PPHLN1: variants seen among roughly 807,000 people sequenced by gnomAD.
PPHLN1 encodes periphilin-1.
A neutral mutation model predicts 51.3 loss-of-function variants in PPHLN1; 29 were observed. The observed-to-expected ratio is 0.57, with a 90% CI of 0.42 to 0.77. The LOEUF (loss-of-function observed/expected upper bound fraction) is 0.77, where lower values mean the gene tolerates loss of function less well. PPHLN1 is among the 30% of genes least tolerant of loss of function. The probability of loss-of-function intolerance (pLI) is 0.00; values close to 1 mark genes in which losing one functional copy is unlikely to be tolerated. For missense variants in PPHLN1, 436 were observed against 438.4 expected (o/e 0.99, Z 0.05); for synonymous variants, 147 against 147.8 (o/e 0.99, Z 0.04).
chr12:42,361,562 C>T (rs1314129672), intron 4 of PPHLN1: 1 of 152,168 alleles, frequency 6.6e-6, no homozygotes, highest in African/African-American at 2.4e-5. Context: ...TAATTCATTG[C>T]TGTCACTATT....
At chr12:42,363,454 T>C (rs1385571551) in intron 4 of PPHLN1, among the ~76,000 whole-genome samples, 7 of 151,852 alleles carry the variant, frequency 4.6e-5, no homozygotes. Context: ...CTATTTTTTT[T>C]TCATTTTGTT....
At chr12:42,337,806 T>A (rs2070898009) in intron 2 of PPHLN1, among the ~76,000 whole-genome samples, 8 of 149,832 alleles carry the variant, frequency 5.3e-5, no homozygotes. Context: ...TATTTGGAGA[T>A]GGAGTCTAAC....
At chr12:42,415,370 C>T (rs2139595855) in intron 9 of PPHLN1, among the ~76,000 whole-genome samples, 1 of 152,272 alleles carries the variant, frequency 6.6e-6, no homozygotes, top group South Asian at 2.1e-4. Flanking sequence ...CAAGGTTTCA[C>T]CATCTTGGCC....
intron 5 of PPHLN1, among the ~76,000 whole-genome samples, chr12:42,383,908 C>G (rs754990133): frequency 4.2e-4 from 58 of 136,960 alleles, no homozygotes; most frequent in African/African-American, 1.5e-3. Flanking sequence ...TGCTTGAACC[C>G]GGGGGGCGGA....
intron 4 of PPHLN1, chr12:42,374,628 GTA>G: frequency 9.8e-5 from 7 of 71,364 alleles, no homozygotes; most frequent in Admixed American, 3.4e-4. Flanking sequence ...TTTTTTTTTT[GTA>G]TTTTTAGTAG....
intron 6 of PPHLN1, 57 bp from the exon 7 acceptor site, chr12:42,387,399 C>T: frequency 6.5e-7 from 1 of 1,540,664 alleles, no homozygotes; most frequent in Non-Finnish European, 8.7e-7. Context: ...TACAAAATTA[C>T]TTTATCAAAA....
intron 4 of PPHLN1, among the ~76,000 whole-genome samples, chr12:42,369,022 A>G (rs1050049259): frequency 6.6e-6 from 1 of 152,212 alleles, no homozygotes; most frequent in Non-Finnish European, 1.5e-5. Flanking sequence ...AAATCTGGTC[A>G]GCTGTCTGTT....
At position 42,435,547 on chromosome 12, in the gene PPHLN1, A is replaced by G. The variant is rs548575628; in HGVS notation, c.910-5768A>G. Reference sequence around the variant, plus strand: ...ACTATAGACCAAAATTAAAGGGTTTAAATTTATCTCCAGTATTTAATATCA... The same window carrying G: ...ACTATAGACCAAAATTAAAGGGTTTGAATTTATCTCCAGTATTTAATATCA... On this transcript the variant is annotated intron_variant, in intron 9 of 9. Transcript: ENST00000358314. Among the ~76,000 whole-genome samples, 5 of 152,338 alleles carry G rather than the reference A, an allele frequency of 3.3e-5. No individual in the cohort carries two copies. The East Asian group carries it at 9.6e-4, about 29-fold the overall frequency.
intron 9 of PPHLN1, among the ~76,000 whole-genome samples, chr12:42,428,809 C>T (rs1796354): frequency 0.29 from 42,217 of 145,818 alleles, 7,286 homozygotes; most frequent in Non-Finnish European, 0.38. Context: ...TGAAGTTTGC[C>T]TTTTTAACTT....
At chr12:42,332,372 T>A (rs773947779) in intron 1 of PPHLN1, among the ~76,000 whole-genome samples, 5 of 152,162 alleles carry the variant, frequency 3.3e-5, no homozygotes, top group Non-Finnish European at 5.9e-5. Context: ...CTTAAACATC[T>A]AGTACAATCT....
chr12:42,401,352 T>G (rs570289416), intron 9 of PPHLN1, among the ~76,000 whole-genome samples: 235 of 152,320 alleles, frequency 1.5e-3, no homozygotes, highest in African/African-American at 5.2e-3. Context: ...TTAAACCTCT[T>G]TGGCTCTTTC....
At chr12:42,446,081 C>G, downstream of PPHLN1, 1 of 1,551,310 alleles carries the variant, frequency 6.4e-7, no homozygotes, top group South Asian at 1.2e-5. Flanking sequence ...GCAGCCCCCG[C>G]AGGCCCCGCA....
chr12:42,343,856 A>C, intron 2 of PPHLN1: 1 of 439,008 alleles, frequency 2.3e-6, no homozygotes, highest in Non-Finnish European at 4.5e-6. Context: ...CACTGTCACC[A>C]AAAGACGTTG....
At chr12:42,401,803 C>T (rs929574120) in intron 9 of PPHLN1, among the ~76,000 whole-genome samples, 1 of 152,050 alleles carries the variant, frequency 6.6e-6, no homozygotes, top group African/African-American at 2.4e-5. Flanking sequence ...AGATAGGAAT[C>T]ATTTTAGTTA....
At chr12:42,428,412 A>G (rs927792832) in intron 9 of PPHLN1, among the ~76,000 whole-genome samples, 1 of 152,242 alleles carries the variant, frequency 6.6e-6, no homozygotes, top group African/African-American at 2.4e-5. Context: ...GTATATATAC[A>G]ATAGATTACT....
chr12:42,351,244 T>C (rs1011823616), intron 2 of PPHLN1: 2 of 152,204 alleles, frequency 1.3e-5, no homozygotes, highest in African/African-American at 4.8e-5. Flanking sequence ...CTAAGACATA[T>C]GTTCTCCCTG....
intron 9 of PPHLN1, among the ~76,000 whole-genome samples, chr12:42,428,418 T>A (rs888682207): frequency 6.6e-6 from 1 of 152,186 alleles, no homozygotes. Context: ...ATACAATAGA[T>A]TACTACTTAG....
intron 9 of PPHLN1, among the ~76,000 whole-genome samples, chr12:42,410,756 A>T (rs2079738727): frequency 6.6e-6 from 1 of 152,240 alleles, no homozygotes. Context: ...CCAGGCTGTA[A>T]TGGTTTTCAA....
At chr12:42,440,709 C>T (rs1454255958) in intron 9 of PPHLN1, among the ~76,000 whole-genome samples, 1 of 152,198 alleles carries the variant, frequency 6.6e-6, no homozygotes, top group Non-Finnish European at 1.5e-5. Context: ...TCCCAAGTAG[C>T]TGGGGTTACA....
Sources: allele counts gnomAD v4.1 joint callset (sites outside exome capture counted in the v4.1 genomes callset), GRCh38; gene constraint gnomAD v4.1.1; transcripts MANE v1.5; gene names NCBI Gene and HGNC (gene_info 2026-07-23, HGNC 2026-07-21).